Variants in ENAH observed in about 807,000 individuals in gnomAD.
ENAH encodes ENAH actin regulator.
ENAH carries 23 observed loss-of-function variants against 78.7 expected under a neutral mutation model. That is an observed-to-expected ratio of 0.29 (90% CI 0.21 to 0.41). The LOEUF (loss-of-function observed/expected upper bound fraction) is 0.41, where lower values mean the gene tolerates loss of function less well. Among genes scored for constraint, ENAH ranks in the 10% least tolerant of loss-of-function variants. The probability of loss-of-function intolerance (pLI) is 1.00; values close to 1 mark genes in which losing one functional copy is unlikely to be tolerated. For missense variants in ENAH, 544 were observed against 691.0 expected (o/e 0.79, Z 2.39); for synonymous variants, 226 against 241.0 (o/e 0.94, Z 0.58).
chr1:225,633,262 G>A (rs1659452444), intron 1 of ENAH, among the ~76,000 whole-genome samples: 1 of 151,448 alleles, frequency 6.6e-6, no homozygotes, highest in Non-Finnish European at 1.5e-5. Context: ...ATGTTAGCGA[G>A]GATGGTCTTG....
chr1:225,625,655 A>C (rs1657813612), intron 1 of ENAH, among the ~76,000 whole-genome samples: 1 of 152,112 alleles, frequency 6.6e-6, no homozygotes, highest in South Asian at 2.1e-4. Flanking sequence ...AGCTAGGATT[A>C]CAGGCATGTG....
At chr1:225,520,926 G>A (rs1410399555) in intron 4 of ENAH, among the ~76,000 whole-genome samples, 1 of 460 alleles carries the variant, frequency 2.2e-3, no homozygotes, top group Non-Finnish European at 8.5e-3. Context: ...GGGAGGAAGG[G>A]AGGGAGGGAG....
At chr1:225,514,035 C>A (rs554811373) in intron 7 of ENAH, among the ~76,000 whole-genome samples, 1 of 151,504 alleles carries the variant, frequency 6.6e-6, no homozygotes, top group African/African-American at 2.4e-5. Flanking sequence ...GGAAACATAT[C>A]CAAAGAAGGA....
At chr1:225,532,962 TG>T (rs2096545063) in intron 3 of ENAH, among the ~76,000 whole-genome samples, 1 of 152,094 alleles carries the variant, frequency 6.6e-6, no homozygotes, top group African/African-American at 2.4e-5. Flanking sequence ...AATGGATTTT[TG>T]GGCTTTTTGT....
Position 225,493,137 on chromosome 1 carries a change from T to C in ENAH, c.*4638A>G, listed in dbSNP as rs1194479764. The C allele has an allele frequency of 1.3e-5, 2 of 152,226 alleles. No homozygotes were observed. Among genetic ancestry groups the C allele is most frequent in the East Asian group, 3.8e-4 (2 of 5,204 alleles). The allele number at this position is 152,226 out of a possible 1,614,324, so 9.4% of individuals were successfully genotyped here. A position where few individuals can be genotyped will look rare whatever the true frequency, so the allele number is the denominator to read the frequency against. On this transcript the variant is annotated 3_prime_UTR_variant, in exon 14 of 14. Transcript: ENST00000366843. ...GAAGGTTTCATCTTTCCAGTATTGA[T>C]ATTTTAAAAAATCTTGATGTCTCAA... is the stretch of plus-strand genomic sequence containing the variant.
intron 3 of ENAH, among the ~76,000 whole-genome samples, chr1:225,548,619 C>G (rs1156504337): frequency 6.6e-6 from 1 of 152,214 alleles, no homozygotes; most frequent in Non-Finnish European, 1.5e-5. Flanking sequence ...TTGTGCCTCC[C>G]TTTCTAGGTA....
Position 225,519,506 on chromosome 1 carries a change from C to A in ENAH, c.494G>T (p.Arg165Ile). Reference protein sequence around the residue: ...ELERERLERERMERERLERER... With the variant: ...ELERERLEREIMERERLERER... ...TCTCTCCAACCTTTCTCTTTCCATT[C>A]TTTCTCGCTCCAGCCTTTCCCGCTC... is the stretch of plus-strand genomic sequence containing the variant. Residue 165 changes from arginine (R) to isoleucine (I), a missense_variant, in exon 5 of 14, where the codon AGA becomes ATA. Coordinates refer to ENST00000366843, the MANE Select transcript of ENAH (RefSeq NM_018212.6). 6.2e-7 allele frequency: 1 copy of A among 1,611,862 alleles called. No homozygotes were observed. Among genetic ancestry groups the A allele is most frequent in the South Asian group, 1.1e-5 (1 of 91,022 alleles).
In ENAH at chr1:225,555,009, A is replaced by G. The variant is rs776785297; in HGVS notation, c.246T>C (p.Asp82=). Residue 82 remains aspartate (D), a synonymous_variant, in exon 3 of 14, where the codon GAT becomes GAC. Coordinates refer to ENST00000366843, the MANE Select transcript of ENAH (RefSeq NM_018212.6). ...QATQTFHQWR[D]ARQVYGLNFG... ...AGTTGAGACCATACACCTGTCTAGC[A>G]TCTCGCCACTGGTGGAAGGTCTGTG... 12 of 1,607,852 alleles carry G rather than the reference A, an allele frequency of 7.5e-6. No homozygotes were observed. Among genetic ancestry groups the G allele is most frequent in the Non-Finnish European group, 1.0e-5 (12 of 1,175,228 alleles).
chr1:225,505,895 C>T (rs1249046206), intron 11 of ENAH, among the ~76,000 whole-genome samples: 1 of 151,976 alleles, frequency 6.6e-6, no homozygotes, highest in Non-Finnish European at 1.5e-5. Context: ...TGGTGCACTA[C>T]TGGATATTAA....
chr1:225,585,215 C>CAA lies in ENAH; in HGVS notation c.6-17803_6-17802dup, dbSNP rs58586397. Among the ~76,000 whole-genome samples, 70 of 49,932 alleles carry CAA rather than the reference C, an allele frequency of 1.4e-3. 2 individuals carry two copies. The highest frequency in any genetic ancestry group is 2.6e-3 in the South Asian group (2 of 784). The allele number at this position is 49,932 out of a possible 152,430, so 32.8% of individuals were successfully genotyped here. ...TGGGCGACGGAGTGATACCCTGTCTCAAAAAAAAAAAAAAAAAAAAAAAAA... is the reference window on the plus strand; with the variant it reads ...TGGGCGACGGAGTGATACCCTGTCTCAAAAAAAAAAAAAAAAAAAAAAAAAAA... On this transcript the variant is annotated intron_variant, in intron 1 of 13. Transcript: ENST00000366843.
At chr1:225,532,536 A>G (rs1370388596) in intron 3 of ENAH, among the ~76,000 whole-genome samples, 1 of 152,120 alleles carries the variant, frequency 6.6e-6, no homozygotes, top group South Asian at 2.1e-4. Context: ...ATATTAATGG[A>G]TTAAATTTGC....
intron 3 of ENAH, among the ~76,000 whole-genome samples, chr1:225,547,867 A>T (rs1236726113): frequency 2.6e-5 from 4 of 152,056 alleles, no homozygotes; most frequent in Non-Finnish European, 5.9e-5. Flanking sequence ...CTTGTCACTA[A>T]TATGTTCCCG....
At chr1:225,513,224 G>C (rs1170744694) in intron 7 of ENAH, among the ~76,000 whole-genome samples, 1 of 152,128 alleles carries the variant, frequency 6.6e-6, no homozygotes, top group African/African-American at 2.4e-5. Context: ...AGAATGCAAT[G>C]AAACAGTATC....
chr1:225,499,274 A>T (rs114436808), intron 12 of ENAH, among the ~76,000 whole-genome samples: 6,790 of 152,212 alleles, frequency 0.045, 241 homozygotes, highest in South Asian at 0.11. Flanking sequence ...TCTCAAAAAA[A>T]AAATAAATAA....
chr1:225,591,752 C>A, intron 1 of ENAH, among the ~76,000 whole-genome samples: 1 of 108,114 alleles, frequency 9.2e-6, no homozygotes, highest in Admixed American at 1.4e-4. Flanking sequence ...GCGACAGAGA[C>A]AGACTCCGTC....
intron 1 of ENAH, among the ~76,000 whole-genome samples, chr1:225,602,349 A>G (rs1272633638): frequency 6.6e-6 from 1 of 152,154 alleles, no homozygotes; most frequent in Non-Finnish European, 1.5e-5. Flanking sequence ...TCAGAAAGTT[A>G]AAAAGAACAA....
At chr1:225,519,046 A>T in intron 5 of ENAH, 152 bp downstream of exon 5, 1 of 1,198,982 alleles carries the variant, frequency 8.3e-7, no homozygotes, top group African/African-American at 1.5e-5. Flanking sequence ...AGAAAATGTT[A>T]AAGTAGTAAT....
At chr1:225,555,205 T>A in intron 2 of ENAH, 122 bp from the exon 3 acceptor site, 1 of 736,562 alleles carries the variant, frequency 1.4e-6, no homozygotes, top group Non-Finnish European at 2.0e-6. Flanking sequence ...AAAAATTGCT[T>A]AAACAATTAT....
intron 2 of ENAH, among the ~76,000 whole-genome samples, chr1:225,557,569 C>G (rs1575519196): frequency 6.6e-6 from 1 of 152,282 alleles, no homozygotes; most frequent in Admixed American, 6.5e-5. Flanking sequence ...GCCTGTAATT[C>G]CAGCACTTTG....
Sources: allele counts gnomAD v4.1 joint callset (sites outside exome capture counted in the v4.1 genomes callset), GRCh38; gene constraint gnomAD v4.1.1; transcripts MANE v1.5; gene names NCBI Gene and HGNC (gene_info 2026-07-23, HGNC 2026-07-21).